ABCB1: variants seen among roughly 807,000 people sequenced by gnomAD.
The protein encoded by ABCB1 is ATP binding cassette subfamily B member 1.
Under a neutral mutation model 142.0 loss-of-function variants are expected in ABCB1, and 69 were observed. That is an observed-to-expected ratio of 0.49 (90% CI 0.40 to 0.59). The LOEUF is 0.59. Among genes scored for constraint, ABCB1 ranks in the 20% least tolerant of loss-of-function variants. The pLI, the probability that ABCB1 is intolerant of heterozygous loss-of-function variation, is 0.00. For missense variants in ABCB1, 1,326 were observed against 1,554.7 expected, an observed-to-expected ratio of 0.85 and a Z score of 2.47; for synonymous variants, 532 against 539.2, an observed-to-expected ratio of 0.99 and a Z score of 0.18.
chr7:87,628,897 G>A (rs1820887413), intron 1 of ABCB1: 2 of 1,304,938 alleles, frequency 1.5e-6, no homozygotes, highest in African/African-American at 1.5e-5. Context: ...AAAAGCCTGA[G>A]CGCCCGCAAT....
At chr7:87,509,557 T>C (rs902563741) in intron 25 of ABCB1, 76 bp from the exon 26 acceptor site, 2 of 1,479,614 alleles carry the variant, frequency 1.4e-6, no homozygotes, top group African/African-American at 1.4e-5. Flanking sequence ...CATTATTTCT[T>C]ACACTGAAAC....
chr7:87,601,817 G>C (rs774635056), upstream of ABCB1, among the ~76,000 whole-genome samples: 7 of 152,204 alleles, frequency 4.6e-5, no homozygotes, highest in African/African-American at 1.7e-4. Flanking sequence ...TATTGCATAA[G>C]TTTAGAAGAA....
chr7:87,643,251 A>C (rs1822630022), intron 1 of ABCB1, among the ~76,000 whole-genome samples: 1 of 152,020 alleles, frequency 6.6e-6, no homozygotes, highest in East Asian at 1.9e-4. Context: ...CATTGCGTAA[A>C]ATTTTTTGAG....
chr7:87,700,678 C>T lies in ABCB1; in HGVS notation c.-331+12483G>A, dbSNP rs1828952002. 4 of 842,268 alleles carry T rather than the reference C, an allele frequency of 4.7e-6. No homozygotes were observed. In the South Asian group the frequency reaches 7.5e-5, roughly 16 times the overall value. 52.2% of individuals were successfully genotyped at this position (842,268 alleles called of 1,614,324 possible). On this transcript the variant is annotated intron_variant, in intron 1 of 28. Coordinates refer to the ABCB1 transcript ENST00000265724. ...CTTAAGAAGCATAATAAAATACGTC[C>T]TGTTCTGTGATGTTTCTACATTTCT...
rs553390571 is a variant in ABCB1, at chr7:87,527,285, C to T, written c.2685+4009G>A. On this transcript the variant is annotated intron_variant, in intron 21 of 27. Transcript: ENST00000622132. ...TATTAGAGTCTATAGGTATGCCTTT[C>T]TCACAGCAATCCTGCACCCATGTGA... Among the ~76,000 whole-genome samples the T allele has an allele frequency of 7.9e-5, 12 of 152,274 alleles. No homozygotes were observed. The South Asian group carries it at 2.5e-3, about 32-fold the overall frequency.
chr7:87,581,036 G>A (rs912241855), intron 4 of ABCB1, among the ~76,000 whole-genome samples: 1 of 151,866 alleles, frequency 6.6e-6, no homozygotes, highest in African/African-American at 2.4e-5. Context: ...TGGTGTTCCT[G>A]TAGGGATGGG....
chr7:87,593,809 T>A (rs1162428018), intron 3 of ABCB1, among the ~76,000 whole-genome samples: 20 of 152,218 alleles, frequency 1.3e-4, no homozygotes, highest in Admixed American at 1.1e-3. Flanking sequence ...GCCCTGTGAC[T>A]CCATTAGGAG....
chr7:87,600,239 G>C (rs867886946), intron 1 of ABCB1, 49 bp from the exon 2 acceptor site: 2 of 1,524,590 alleles, frequency 1.3e-6, no homozygotes, highest in Middle Eastern at 3.4e-4. Flanking sequence ...CCTCAGGCGC[G>C]CTGGAGGTGA....
chr7:87,622,345 A>G (rs1363874393), intron 1 of ABCB1, among the ~76,000 whole-genome samples: 1 of 152,226 alleles, frequency 6.6e-6, no homozygotes, highest in Non-Finnish European at 1.5e-5. Context: ...CATTTTCATT[A>G]CTAATGAAAA....
intron 1 of ABCB1, among the ~76,000 whole-genome samples, chr7:87,646,856 T>C (rs1002030935): frequency 1.3e-5 from 2 of 152,212 alleles, no homozygotes; most frequent in African/African-American, 4.8e-5. Flanking sequence ...CCATTTACTA[T>C]GCATTACATC....
At chr7:87,616,910 A>G (rs1414124503) in intron 1 of ABCB1, among the ~76,000 whole-genome samples, 1 of 152,188 alleles carries the variant, frequency 6.6e-6, no homozygotes, top group African/African-American at 2.4e-5. Context: ...GGCAGCTAGA[A>G]TTGGTCTGTC....
intron 2 of ABCB1, among the ~76,000 whole-genome samples, chr7:87,597,633 T>C (rs1286486344): frequency 1.3e-5 from 2 of 152,118 alleles, no homozygotes; most frequent in East Asian, 1.9e-4. Flanking sequence ...TTCTTTAAGC[T>C]ATCAAGTTTT....
chr7:87,521,299 A>C (rs1815492963), intron 21 of ABCB1, among the ~76,000 whole-genome samples: 1 of 152,236 alleles, frequency 6.6e-6, no homozygotes, highest in Non-Finnish European at 1.5e-5. Context: ...CATTTGTGAC[A>C]ATTGAAGAAT....
chr7:87,628,598 T>G, intron 1 of ABCB1: 1 of 312,272 alleles, frequency 3.2e-6, no homozygotes, highest in Non-Finnish European at 5.8e-6. Context: ...TGTGTGTGTG[T>G]GTGTGTGTGT....
chr7:87,528,775 G>C (rs1815907979), intron 21 of ABCB1, among the ~76,000 whole-genome samples: 1 of 152,170 alleles, frequency 6.6e-6, no homozygotes. Context: ...CAAGGGCTGC[G>C]AAGTATCATG....
intron 18 of ABCB1, among the ~76,000 whole-genome samples, chr7:87,540,014 C>A (rs1025654694): frequency 6.6e-6 from 1 of 152,174 alleles, no homozygotes; most frequent in African/African-American, 2.4e-5. Flanking sequence ...GTTAGAGTGT[C>A]ACATTTATTC....
intron 4 of ABCB1, among the ~76,000 whole-genome samples, chr7:87,580,721 T>C (rs1818471049): frequency 1.3e-5 from 2 of 152,152 alleles, no homozygotes; most frequent in Admixed American, 1.3e-4. Flanking sequence ...TTGTAGGTCT[T>C]GTGGGCATGC....
At chr7:87,686,020 G>A (rs1489535854) in intron 1 of ABCB1, among the ~76,000 whole-genome samples, 1 of 152,142 alleles carries the variant, frequency 6.6e-6, no homozygotes, top group Non-Finnish European at 1.5e-5. Context: ...TCTTGGCCAA[G>A]TATTACTTCT....
intron 2 of ABCB1, among the ~76,000 whole-genome samples, chr7:87,596,920 C>T (rs1819233534): frequency 6.6e-6 from 1 of 152,044 alleles, no homozygotes; most frequent in African/African-American, 2.4e-5. Context: ...TGAGTTTTAG[C>T]TCTAAGCCTT....
Sources: gnomAD v4.1 joint callset for allele counts (sites outside exome capture counted in the v4.1 genomes callset) on GRCh38, gnomAD v4.1.1 for gene constraint, MANE v1.5 for transcripts, NCBI Gene and HGNC (gene_info 2026-07-23, HGNC 2026-07-21) for gene names.